The following GPHN variants were observed in gnomAD, a reference collection of about 807,000 sequenced individuals.
GPHN encodes gephyrin.
In GPHN, 17 loss-of-function variants were observed where a neutral mutation model predicts 95.5. That is an observed-to-expected ratio of 0.18 (90% CI 0.12 to 0.27). GPHN has a LOEUF of 0.27. Among genes scored for constraint, GPHN ranks in the 10% least tolerant of loss-of-function variants. GPHN has a pLI of 1.00. For missense variants in GPHN, 660 were observed against 978.1 expected, an observed-to-expected ratio of 0.67 and a Z score of 4.34; for synonymous variants, 320 against 322.5, an observed-to-expected ratio of 0.99 and a Z score of 0.08.
chr14:67,622,865 A>C, the GPHN span, among the ~76,000 whole-genome samples: 1 of 152,174 alleles, frequency 6.6e-6, no homozygotes, highest in Non-Finnish European at 1.5e-5. Context: ...CAATCAGCTG[A>C]GGCTGCTGAA....
At chr14:66,535,807 C>T (rs139187794) in intron 1 of GPHN, among the ~76,000 whole-genome samples, 1,914 of 152,166 alleles carry the variant, frequency 0.013, 34 homozygotes, top group African/African-American at 0.043. Flanking sequence ...TTATAAGCAG[C>T]AACCCGCTAA....
At chr14:67,386,148 G>A in the GPHN span, 17 of 152,628 alleles carry the variant, frequency 1.1e-4, no homozygotes, top group South Asian at 4.2e-4. Context: ...AACACCTATC[G>A]ATATTCAAAA....
the GPHN span, chr14:67,279,720 T>TA: frequency 2.2e-5 from 11 of 497,358 alleles, no homozygotes; most frequent in Non-Finnish European, 3.0e-5. Context: ...AACATAGAGC[T>TA]AAAAGCATGT....
intron 9 of GPHN, among the ~76,000 whole-genome samples, chr14:67,009,604 G>A (rs2072843743): frequency 1.3e-5 from 2 of 151,896 alleles, no homozygotes; most frequent in Admixed American, 1.3e-4. Flanking sequence ...TGTATGCAGG[G>A]GAAGGACTGA....
chr14:66,640,571 T>C (rs1299598150), intron 1 of GPHN, among the ~76,000 whole-genome samples: 2 of 152,238 alleles, frequency 1.3e-5, no homozygotes, highest in Non-Finnish European at 2.9e-5. Context: ...CACTCTCTTA[T>C]TGTTATACTA....
chr14:67,036,500 T>TGC (rs1192242576), intron 10 of GPHN, among the ~76,000 whole-genome samples: 6 of 59,132 alleles, frequency 1.0e-4, no homozygotes, highest in African/African-American at 5.1e-4. Flanking sequence ...TATACATACA[T>TGC]GCACACACAC....
the GPHN span, chr14:67,690,712 G>A: frequency 9.3e-5 from 39 of 421,224 alleles, no homozygotes; most frequent in Non-Finnish European, 1.5e-4. Flanking sequence ...GGCTGGGTGC[G>A]GTGGCTCACG....
intron 2 of GPHN, among the ~76,000 whole-genome samples, chr14:66,739,303 G>A (rs1233694878): frequency 6.9e-6 from 1 of 145,504 alleles, no homozygotes; most frequent in African/African-American, 2.6e-5. Flanking sequence ...TGCAAGCTCT[G>A]CCTCCCAGGT....
At chr14:67,725,121 C>T in the GPHN span, 1 of 1,614,030 alleles carries the variant, frequency 6.2e-7, no homozygotes, top group African/African-American at 1.3e-5. Context: ...ATATTGCCTG[C>T]AGAGATGTAC....
chr14:67,121,468 C>T (rs541347127), intron 16 of GPHN, among the ~76,000 whole-genome samples: 166 of 152,180 alleles, frequency 1.1e-3, no homozygotes, highest in African/African-American at 3.8e-3. Flanking sequence ...TAACAATTAC[C>T]TTGCAAGGTA....
At chr14:67,615,679 G>T in the GPHN span, 1 of 510,192 alleles carries the variant, frequency 2.0e-6, no homozygotes, top group Non-Finnish European at 3.8e-6. Flanking sequence ...TATGGCAAGG[G>T]CAGACAAGGC....
the GPHN span, among the ~76,000 whole-genome samples, chr14:67,611,756 A>G: frequency 2.6e-5 from 4 of 152,238 alleles, no homozygotes; most frequent in Non-Finnish European, 4.4e-5. Flanking sequence ...TTCATGGAAG[A>G]CAATTTTTCC....
the GPHN span, chr14:67,722,457 C>A: frequency 1.5e-6 from 1 of 687,834 alleles, no homozygotes. Flanking sequence ...GCTCTGACAG[C>A]TCTTGGATTT....
At chr14:67,523,939 A>AGTGACACAAAGAGCATTTCCG in the GPHN span, among the ~76,000 whole-genome samples, 5 of 32,618 alleles carry the variant, frequency 1.5e-4, no homozygotes, top group African/African-American at 2.6e-4. Context: ...AGGGAAGAAT[A>AGTGACACAAAGAGCATTTCCG]GTGACACAAA....
At chr14:66,776,236 T>A (rs919443452) in intron 2 of GPHN, among the ~76,000 whole-genome samples, 1 of 152,118 alleles carries the variant, frequency 6.6e-6, no homozygotes, top group African/African-American at 2.4e-5. Context: ...GGAGCTTAGT[T>A]ATGGGTAAAA....
intron 1 of GPHN, among the ~76,000 whole-genome samples, chr14:66,526,301 G>T (rs1211531328): frequency 6.6e-6 from 1 of 152,138 alleles, no homozygotes; most frequent in Non-Finnish European, 1.5e-5. Flanking sequence ...ATGGTGTATA[G>T]GAATGTTTGT....
chr14:67,328,690 A>C, the GPHN span, among the ~76,000 whole-genome samples: 2 of 152,174 alleles, frequency 1.3e-5, no homozygotes, highest in Non-Finnish European at 2.9e-5. Flanking sequence ...TCAGCTTTCT[A>C]CATATGGCTA....
At chr14:67,353,031 G>T in the GPHN span, 7 of 1,611,626 alleles carry the variant, frequency 4.3e-6, no homozygotes, top group South Asian at 1.1e-5. Context: ...CCTTCATGAT[G>T]GTCTGTGCCC....
chr14:67,666,137 A>C, the GPHN span, among the ~76,000 whole-genome samples: 1 of 152,248 alleles, frequency 6.6e-6, no homozygotes, highest in Admixed American at 6.5e-5. Context: ...CAAGCCAGAC[A>C]GTAAGAAGCA....
Sources: gnomAD v4.1 joint callset for allele counts (sites outside exome capture counted in the v4.1 genomes callset) on GRCh38, gnomAD v4.1.1 for gene constraint, MANE v1.5 for transcripts, NCBI Gene and HGNC (gene_info 2026-07-23, HGNC 2026-07-21) for gene names.